Variants in XKR4 observed in about 807,000 individuals in gnomAD.
The protein encoded by XKR4 is XK related 4.
A neutral mutation model predicts 53.9 loss-of-function variants in XKR4; 12 were observed. The ratio of observed to expected loss-of-function variants is 0.22; its 90% confidence interval spans 0.14 to 0.36. XKR4 has a LOEUF of 0.36. XKR4 is among the 10% of genes least tolerant of loss of function. The probability of loss-of-function intolerance (pLI) is 1.00; values close to 1 mark genes in which losing one functional copy is unlikely to be tolerated. For missense variants in XKR4, 799 were observed against 859.5 expected (o/e 0.93, Z 0.88); for synonymous variants, 354 against 362.4 (o/e 0.98, Z 0.26).
chr8:55,406,522 G>T (rs1415723119), intron 2 of XKR4, among the ~76,000 whole-genome samples: 1 of 152,104 alleles, frequency 6.6e-6, no homozygotes, highest in African/African-American at 2.4e-5. Flanking sequence ...GAAAGGCCCG[G>T]GTCTGCCTGG....
At chr8:55,233,127 T>G (rs1818067376) in intron 1 of XKR4, among the ~76,000 whole-genome samples, 1 of 152,132 alleles carries the variant, frequency 6.6e-6, no homozygotes, top group Non-Finnish European at 1.5e-5. Context: ...TTAAAGTCAC[T>G]CAATTGAAAG....
intron 1 of XKR4, among the ~76,000 whole-genome samples, chr8:55,324,555 A>G (rs1803266590): frequency 6.6e-6 from 1 of 152,176 alleles, no homozygotes; most frequent in South Asian, 2.1e-4. Flanking sequence ...TCTGACCACG[A>G]AGTTTTGCTC....
chr8:55,516,819 A>T (rs1806720245), intron 2 of XKR4, among the ~76,000 whole-genome samples: 1 of 152,222 alleles, frequency 6.6e-6, no homozygotes, highest in South Asian at 2.1e-4. Flanking sequence ...AGACACCTGC[A>T]CTTGTATGTT....
intron 1 of XKR4, among the ~76,000 whole-genome samples, chr8:55,237,253 C>T (rs1026846071): frequency 3.3e-5 from 5 of 152,206 alleles, no homozygotes; most frequent in African/African-American, 9.7e-5. Flanking sequence ...ATCAACCCCC[C>T]ACAAAGTCAA....
chr8:55,344,173 T>C (rs1563328845), intron 1 of XKR4, among the ~76,000 whole-genome samples: 1 of 152,192 alleles, frequency 6.6e-6, no homozygotes, highest in Non-Finnish European at 1.5e-5. Flanking sequence ...GCCCAATGGA[T>C]GTGACGGGTC....
chr8:55,160,660 C>T (rs759491179), intron 1 of XKR4, among the ~76,000 whole-genome samples: 5 of 152,156 alleles, frequency 3.3e-5, no homozygotes, highest in Non-Finnish European at 7.3e-5. Context: ...CATTGTATTT[C>T]ATTTTCATTG....
At chr8:55,488,017 GGAATTTTAGACATTAA>G (rs1239514049) in intron 2 of XKR4, among the ~76,000 whole-genome samples, 21 of 152,056 alleles carry the variant, frequency 1.4e-4, no homozygotes, top group Non-Finnish European at 2.9e-4. Context: ...TTGTACATGG[GGAATTTTAGACATTAA>G]GAATTTTAGA....
chr8:55,165,600 A>G (rs1357372759), intron 1 of XKR4, among the ~76,000 whole-genome samples: 1 of 152,118 alleles, frequency 6.6e-6, no homozygotes, highest in African/African-American at 2.4e-5. Context: ...TCAAACTCTT[A>G]GTGACTTAAA....
At chr8:55,400,821 A>G (rs952368981) in intron 2 of XKR4, among the ~76,000 whole-genome samples, 3 of 152,186 alleles carry the variant, frequency 2.0e-5, no homozygotes, top group African/African-American at 4.8e-5. Flanking sequence ...TTGTATTCAT[A>G]AGATTGCCTG....
intron 1 of XKR4, among the ~76,000 whole-genome samples, chr8:55,174,584 G>T (rs1585920029): frequency 6.6e-6 from 1 of 152,134 alleles, no homozygotes; most frequent in African/African-American, 2.4e-5. Context: ...GTGATGTTAG[G>T]TTAATTCCTA....
rs181208020 is a variant in XKR4, at chr8:55,320,491, G to A, written c.807-37187G>A. Among the ~76,000 whole-genome samples, 7 of 152,286 alleles carry A rather than the reference G, an allele frequency of 4.6e-5. No individual in the cohort carries two copies. In the East Asian group the frequency reaches 1.4e-3, roughly 29 times the overall value. ...TAGCTTGTTTTGGAAAAGGGTAGAAGGGGGAGAAAGTTTCTGCTATTAGCA... is the reference window on the plus strand; with the variant it reads ...TAGCTTGTTTTGGAAAAGGGTAGAAAGGGGAGAAAGTTTCTGCTATTAGCA... On this transcript the variant is annotated intron_variant, in intron 1 of 2. Transcript: ENST00000327381.
intron 2 of XKR4, among the ~76,000 whole-genome samples, chr8:55,513,675 G>A (rs910895996): frequency 3.9e-5 from 6 of 152,314 alleles, no homozygotes; most frequent in African/African-American, 1.4e-4. Flanking sequence ...GACACCAGGA[G>A]GTTCCATAGG....
chr8:55,293,948 T>C (rs2129375830), intron 1 of XKR4, among the ~76,000 whole-genome samples: 1 of 152,346 alleles, frequency 6.6e-6, no homozygotes, highest in East Asian at 1.9e-4. Context: ...CAAAGTAACT[T>C]TTCAAATAGG....
intron 1 of XKR4, among the ~76,000 whole-genome samples, chr8:55,180,441 C>G (rs1481831172): frequency 6.6e-6 from 1 of 152,220 alleles, no homozygotes; most frequent in Admixed American, 6.5e-5. Context: ...TATGTATCTT[C>G]TCTGCTAATA....
intron 2 of XKR4, chr8:55,452,147 C>T (rs541939989): frequency 5.6e-6 from 4 of 709,138 alleles, no homozygotes; most frequent in African/African-American, 5.3e-5. Context: ...TGTACCGCAG[C>T]TTATGCAGCT....
At chr8:55,397,930 C>T (rs1455113917) in intron 2 of XKR4, among the ~76,000 whole-genome samples, 2 of 152,190 alleles carry the variant, frequency 1.3e-5, no homozygotes, top group African/African-American at 4.8e-5. Flanking sequence ...CCAGTCACAC[C>T]TCTCAGGGGT....
intron 1 of XKR4, among the ~76,000 whole-genome samples, chr8:55,206,651 C>T (rs551329758): frequency 2.0e-5 from 3 of 152,138 alleles, no homozygotes; most frequent in Non-Finnish European, 4.4e-5. Flanking sequence ...TCAGATAAAT[C>T]ACAAATATTG....
At chr8:55,115,333 G>A (rs190128417) in intron 1 of XKR4, among the ~76,000 whole-genome samples, 1 of 152,180 alleles carries the variant, frequency 6.6e-6, no homozygotes, top group East Asian at 1.9e-4. Context: ...TATAGCAAGT[G>A]TAGTATAGCA....
chr8:55,467,894 T>C (rs1223987380), intron 2 of XKR4, among the ~76,000 whole-genome samples: 1 of 152,188 alleles, frequency 6.6e-6, no homozygotes, highest in Non-Finnish European at 1.5e-5. Flanking sequence ...GAATATTAAC[T>C]ATTTATGGTT....
Sources: allele counts gnomAD v4.1 joint callset (sites outside exome capture counted in the v4.1 genomes callset), GRCh38; gene constraint gnomAD v4.1.1; transcripts MANE v1.5; gene names NCBI Gene and HGNC (gene_info 2026-07-23, HGNC 2026-07-21).